Variants in NEBL observed in about 807,000 individuals in gnomAD.
NEBL encodes LIM and SH3 protein 2.
A neutral mutation model predicts 140.2 loss-of-function variants in NEBL; 122 were observed. The observed-to-expected ratio is 0.87, with a 90% CI of 0.75 to 1.01. The LOEUF is 1.01. Ranked by LOEUF, NEBL falls within the 50% of genes least tolerant of loss-of-function variation. The pLI is 0.00. For missense variants in NEBL, 1,365 were observed against 1,231.3 expected (o/e 1.11, Z -1.62); for synonymous variants, 436 against 398.9 (o/e 1.09, Z -1.11).
At chr10:21,000,688 G>A (rs57959816) in intron 3 of NEBL, among the ~76,000 whole-genome samples, 37 of 152,076 alleles carry the variant, frequency 2.4e-4, no homozygotes, top group African/African-American at 8.9e-4. Flanking sequence ...CAGAAATAAG[G>A]CTCCCAAAAC....
intron 2 of NEBL, among the ~76,000 whole-genome samples, chr10:20,894,720 C>G (rs1398316198): frequency 1.4e-5 from 2 of 147,030 alleles, no homozygotes; most frequent in Non-Finnish European, 3.0e-5. Flanking sequence ...CGAGTCCATC[C>G]TAACTAACAC....
At chr10:21,051,764 A>C (rs1424049380) in intron 2 of NEBL, among the ~76,000 whole-genome samples, 1 of 152,174 alleles carries the variant, frequency 6.6e-6, no homozygotes, top group Non-Finnish European at 1.5e-5. Context: ...TCTACAGGAG[A>C]CTCTGTTTTT....
chr10:20,929,845 C>T (rs1205226411), intron 4 of NEBL, among the ~76,000 whole-genome samples: 8 of 152,144 alleles, frequency 5.3e-5, no homozygotes, highest in Non-Finnish European at 2.9e-5. Context: ...GACAGTTACA[C>T]TAAAAGCCCG....
At chr10:20,960,311 A>G (rs1373211776) in intron 4 of NEBL, among the ~76,000 whole-genome samples, 3 of 152,148 alleles carry the variant, frequency 2.0e-5, no homozygotes, top group Non-Finnish European at 2.9e-5. Flanking sequence ...CATTCTTAAA[A>G]GCAAAAATAG....
chr10:20,919,317 A>G (rs1833465464), intron 4 of NEBL, among the ~76,000 whole-genome samples: 1 of 152,216 alleles, frequency 6.6e-6, no homozygotes, highest in South Asian at 2.1e-4. Context: ...AGGTTTGTGC[A>G]ACCTCTGTAA....
At chr10:21,242,799 G>A (rs1158239904) in intron 3 of NEBL, among the ~76,000 whole-genome samples, 2 of 152,128 alleles carry the variant, frequency 1.3e-5, no homozygotes, top group Non-Finnish European at 2.9e-5. Context: ...ACTGGAAAAA[G>A]AGCTAGCTTG....
chr10:21,033,232 A>T (rs1419135725), intron 2 of NEBL, among the ~76,000 whole-genome samples: 2 of 152,214 alleles, frequency 1.3e-5, no homozygotes, highest in Non-Finnish European at 2.9e-5. Flanking sequence ...CTAAGATATG[A>T]GTATACTCTG....
chr10:20,814,609 T>TACACACACACACACACACACACACAC (rs1265684219), intron 22 of NEBL, among the ~76,000 whole-genome samples: 2 of 98,314 alleles, frequency 2.0e-5, no homozygotes, highest in African/African-American at 9.5e-5. Flanking sequence ...AACACACACA[T>TACACACACACACACACACACACACAC]ACACACATAC....
chr10:21,214,110 G>A (rs1841954596), intron 3 of NEBL, among the ~76,000 whole-genome samples: 1 of 151,328 alleles, frequency 6.6e-6, no homozygotes, highest in South Asian at 2.1e-4. Context: ...ACAATGAATT[G>A]GTAATTTACT....
intron 1 of NEBL, among the ~76,000 whole-genome samples, chr10:21,273,659 C>T (rs988608505): frequency 3.3e-5 from 5 of 152,332 alleles, no homozygotes; most frequent in Admixed American, 3.3e-4. Flanking sequence ...GACCGCCTGG[C>T]AGAGAGCAGC....
At chr10:21,247,928 ACAG>A (rs1413184252) in exon 3 of NEBL, 4 of 232,378 alleles carry the variant, frequency 1.7e-5, no homozygotes, top group African/African-American at 9.2e-5. Context: ...CACCTTCAAG[ACAG>A]CAATCAAATG....
chr10:20,911,183 TAAAGAGTAAGC>T (rs1373143555), intron 4 of NEBL, among the ~76,000 whole-genome samples: 1 of 151,956 alleles, frequency 6.6e-6, no homozygotes, highest in Non-Finnish European at 1.5e-5. Flanking sequence ...AAACAAAATA[TAAAGAGTAAGC>T]AAAGAGTAAG....
intron 26 of NEBL, among the ~76,000 whole-genome samples, chr10:20,794,875 G>A (rs775967903): frequency 9.9e-5 from 15 of 152,216 alleles, no homozygotes; most frequent in South Asian, 8.3e-4. Context: ...CCAGCCCTGC[G>A]CTTAGGATGT....
At chr10:21,197,771 A>G (rs1174261840) in intron 3 of NEBL, among the ~76,000 whole-genome samples, 1 of 152,342 alleles carries the variant, frequency 6.6e-6, no homozygotes, top group African/African-American at 2.4e-5. Context: ...ATATTCTTCC[A>G]GGTCCTACAT....
chr10:21,215,112 T>C (rs562847618), intron 3 of NEBL, among the ~76,000 whole-genome samples: 4 of 152,298 alleles, frequency 2.6e-5, no homozygotes. Context: ...AATGAACTTT[T>C]AGTTTCTGTC....
At chr10:20,883,676 A>C (rs184027995) in intron 4 of NEBL, among the ~76,000 whole-genome samples, 1 of 152,328 alleles carries the variant, frequency 6.6e-6, no homozygotes, top group African/African-American at 2.4e-5. Context: ...TTTGTACTTT[A>C]GACCTACTAA....
At chr10:20,815,486 G>A (rs1033503030) in intron 22 of NEBL, 139 bp downstream of exon 22, 1 of 712,004 alleles carries the variant, frequency 1.4e-6, no homozygotes, top group African/African-American at 1.8e-5. Flanking sequence ...GAAGTCATCT[G>A]AAATAACACA....
intron 10 of NEBL, 52 bp downstream of exon 10, chr10:20,852,493 T>C: frequency 8.0e-7 from 1 of 1,251,022 alleles, no homozygotes; most frequent in Non-Finnish European, 1.2e-6. Context: ...GGCCTCAGGA[T>C]GGTTACGGGT....
intron 11 of NEBL, among the ~76,000 whole-genome samples, chr10:20,845,959 GAGAAT>G (rs1841898215): frequency 6.6e-6 from 1 of 152,098 alleles, no homozygotes. Context: ...GTGCTGTGAG[GAGAAT>G]TTTATCTTGA....
Sources: allele counts gnomAD v4.1 joint callset (sites outside exome capture counted in the v4.1 genomes callset), GRCh38; gene constraint gnomAD v4.1.1; transcripts MANE v1.5; gene names NCBI Gene and HGNC (gene_info 2026-07-23, HGNC 2026-07-21).